The following CUL5 variants were observed in gnomAD, a reference collection of about 807,000 sequenced individuals.
The protein encoded by CUL5 is cullin-5.
Under a neutral mutation model 108.8 loss-of-function variants are expected in CUL5, and 26 were observed. That is an observed-to-expected ratio of 0.24 (90% CI 0.18 to 0.33). The LOEUF (loss-of-function observed/expected upper bound fraction) is 0.33, where lower values mean the gene tolerates loss of function less well. CUL5 is among the 10% of genes least tolerant of loss of function. CUL5 has a pLI of 1.00. For synonymous variants in CUL5, 334 were observed against 298.0 expected (o/e 1.12, Z -1.25); for missense variants, 524 against 909.2 (o/e 0.58, Z 5.45).
rs1312582385 is a variant in CUL5, at chr11:108,104,451, T to G, written c.*67T>G. ...GTGCTTGGGCAGAAAGTTGTAAAGT[T>G]TGTGCTGGAGAAAGGTTTATTTGGA... On this transcript the variant is annotated 3_prime_UTR_variant, in exon 19 of 19. Coordinates refer to ENST00000393094, the MANE Select transcript of CUL5 (RefSeq NM_003478.6). The G allele has an allele frequency of 1.6e-5, 16 of 1,015,182 alleles. No individual in the cohort carries two copies. Among genetic ancestry groups the G allele is most frequent in the Middle Eastern group, 2.2e-4 (1 of 4,644 alleles). The allele number at this position is 1,015,182 out of a possible 1,614,324, so 62.9% of individuals were successfully genotyped here. A position where few individuals can be genotyped will look rare whatever the true frequency, so the allele number is the denominator to read the frequency against.
chr11:108,102,927 C>T (rs932791187), intron 18 of CUL5, among the ~76,000 whole-genome samples: 2 of 151,840 alleles, frequency 1.3e-5, no homozygotes, highest in South Asian at 4.1e-4. Context: ...TCCTGAATAG[C>T]GGGGACCACA....
chr11:108,018,273 GA>G (rs1342344549), intron 1 of CUL5, among the ~76,000 whole-genome samples: 1 of 152,200 alleles, frequency 6.6e-6, no homozygotes, highest in African/African-American at 2.4e-5. Flanking sequence ...CTGGAACATA[GA>G]ATTGCAGTAG....
intron 13 of CUL5, among the ~76,000 whole-genome samples, chr11:108,092,287 A>G (rs1487079583): frequency 6.6e-6 from 1 of 152,242 alleles, no homozygotes; most frequent in African/African-American, 2.4e-5. Flanking sequence ...GACACTTTGG[A>G]AAACTGTTGG....
At chr11:108,070,624 A>AT (rs34514310) in intron 8 of CUL5, among the ~76,000 whole-genome samples, 148,305 of 152,056 alleles carry the variant, frequency 0.98, 72,408 homozygotes, top group Middle Eastern at 1. Flanking sequence ...TTTCTAAAGG[A>AT]TTTTTTTATT....
Position 108,046,251 on chromosome 11 carries a change from A to C in CUL5, c.135-19A>C. 6.6e-7 allele frequency: 1 copy of C among 1,520,678 alleles called. No homozygotes were observed. The highest frequency in any genetic ancestry group is 9.1e-7 in the Non-Finnish European group (1 of 1,104,772). 94.2% of individuals were successfully genotyped at this position (1,520,678 alleles called of 1,614,324 possible). ...CTTGTTTCATTATTAATGTTTGTTTACCTACTTTATATTCACAGGGATGTG... is the reference window on the plus strand; with the variant it reads ...CTTGTTTCATTATTAATGTTTGTTTCCCTACTTTATATTCACAGGGATGTG... On this transcript the variant is annotated intron_variant, in intron 2 of 18. Transcript: ENST00000393094.
intron 1 of CUL5, among the ~76,000 whole-genome samples, chr11:108,017,801 T>A (rs1862239730): frequency 6.6e-6 from 1 of 152,012 alleles, no homozygotes; most frequent in Admixed American, 6.6e-5. Flanking sequence ...GAGCAATGTT[T>A]ATGCTGCTGC....
chr11:108,090,057 C>A (rs1267546155), intron 13 of CUL5, among the ~76,000 whole-genome samples: 1 of 151,130 alleles, frequency 6.6e-6, no homozygotes, highest in Non-Finnish European at 1.5e-5. Flanking sequence ...AAAGAATATA[C>A]CATCAATTAT....
At chr11:108,048,380 A>G (rs112916103) in intron 3 of CUL5, among the ~76,000 whole-genome samples, 7 of 152,276 alleles carry the variant, frequency 4.6e-5, no homozygotes, top group African/African-American at 1.7e-4. Context: ...AATTTGCCTA[A>G]GCTTATTAAT....
At chr11:108,031,104 A>G (rs931391610) in intron 1 of CUL5, among the ~76,000 whole-genome samples, 2 of 152,194 alleles carry the variant, frequency 1.3e-5, no homozygotes, top group East Asian at 1.9e-4. Flanking sequence ...CTGGTGGCTC[A>G]TGCCTGTAAT....
intron 7 of CUL5, among the ~76,000 whole-genome samples, chr11:108,063,847 C>A (rs1402454848): frequency 6.6e-6 from 1 of 151,984 alleles, no homozygotes; most frequent in African/African-American, 2.4e-5. Context: ...ATTACATTCC[C>A]ACCATCATTA....
intron 8 of CUL5, among the ~76,000 whole-genome samples, chr11:108,071,828 A>T (rs962848222): frequency 6.6e-6 from 1 of 152,178 alleles, no homozygotes; most frequent in Non-Finnish European, 1.5e-5. Context: ...TGCTGGAGTT[A>T]CAAGCGTGAA....
At chr11:108,095,133 A>G (rs1864458009) in intron 15 of CUL5, 146 bp downstream of exon 15, 4 of 632,002 alleles carry the variant, frequency 6.3e-6, no homozygotes, top group Non-Finnish European at 1.1e-5. Flanking sequence ...CATGAAGTTG[A>G]TAGGGACATA....
rs1458260343 is a variant in CUL5, at chr11:108,029,659, A to G, written c.25-4143A>G. ...GAATAGGTCAAGGAACTACTTGAGC[A>G]TCATTTTTGGAATCTATTATAAAAG... On this transcript the variant is annotated intron_variant, in intron 1 of 18. Coordinates refer to ENST00000393094, the MANE Select transcript of CUL5 (RefSeq NM_003478.6). 2.0e-5 allele frequency among the ~76,000 whole-genome samples: 3 copies of G among 152,258 alleles called. No homozygotes were observed. The East Asian group carries it at 5.8e-4, about 29-fold the overall frequency.
chr11:108,080,668 A>G (rs1864056547), intron 11 of CUL5, among the ~76,000 whole-genome samples: 1 of 152,142 alleles, frequency 6.6e-6, no homozygotes, highest in Non-Finnish European at 1.5e-5. Flanking sequence ...TGCTGGGATT[A>G]CAGGCATGAG....
At chr11:108,027,786 C>T (rs930724738) in intron 1 of CUL5, among the ~76,000 whole-genome samples, 2 of 152,184 alleles carry the variant, frequency 1.3e-5, no homozygotes, top group African/African-American at 4.8e-5. Flanking sequence ...CTTCTGTGGA[C>T]AAAGTTTCAG....
chr11:108,054,547 A>T (rs998017746), intron 5 of CUL5, 100 bp from the exon 6 acceptor site: 2 of 769,548 alleles, frequency 2.6e-6, no homozygotes, highest in Admixed American at 6.4e-5. Flanking sequence ...GAGCATTGTT[A>T]CCTTGCACAT....
intron 10 of CUL5, among the ~76,000 whole-genome samples, chr11:108,076,175 G>A (rs1863936275): frequency 6.6e-6 from 1 of 152,062 alleles, no homozygotes; most frequent in Non-Finnish European, 1.5e-5. Context: ...TGGGACTACA[G>A]GCATGCACCA....
intron 10 of CUL5, among the ~76,000 whole-genome samples, chr11:108,076,203 G>A (rs1863936839): frequency 6.6e-6 from 1 of 151,596 alleles, no homozygotes; most frequent in Non-Finnish European, 1.5e-5. Flanking sequence ...TGGCTAATTT[G>A]TAATTTTTTT....
intron 4 of CUL5, among the ~76,000 whole-genome samples, chr11:108,051,912 ATAAG>A (rs1457935299): frequency 1.3e-5 from 2 of 152,192 alleles, no homozygotes; most frequent in African/African-American, 2.4e-5. Context: ...AAGCAGATAA[ATAAG>A]TAACAGCTGG....
Sources: gnomAD v4.1 joint callset for allele counts (sites outside exome capture counted in the v4.1 genomes callset) on GRCh38, gnomAD v4.1.1 for gene constraint, MANE v1.5 for transcripts, NCBI Gene and HGNC (gene_info 2026-07-23, HGNC 2026-07-21) for gene names.